Variants in GPR161 observed in about 807,000 individuals in gnomAD.
GPR161 encodes G-protein coupled receptor RE2.
In GPR161, 25 loss-of-function variants were observed where a neutral mutation model predicts 39.2. That is an observed-to-expected ratio of 0.64 (90% CI 0.47 to 0.89). The LOEUF is 0.89. Ranked by LOEUF, GPR161 falls within the 40% of genes least tolerant of loss-of-function variation. GPR161 has a pLI of 0.00. For synonymous variants in GPR161, 286 were observed against 276.6 expected (o/e 1.03, Z -0.34); for missense variants, 547 against 677.8 (o/e 0.81, Z 2.14).
At chr1:168,088,400 G>T (rs1388496553) in intron 4 of GPR161, 1 of 152,258 alleles carries the variant, frequency 6.6e-6, no homozygotes, top group Admixed American at 6.5e-5. Flanking sequence ...ATCCATAAAG[G>T]CCTTGAAGCT....
chr1:168,133,912 T>C (rs1015993307), intron 1 of GPR161: 19 of 967,830 alleles, frequency 2.0e-5, no homozygotes, highest in Non-Finnish European at 2.3e-5. Context: ...TTGAGCACAC[T>C]GAAAAAGACC....
chr1:168,110,542 GAAAAGAAAAGAAAA>G (rs1697049665), intron 1 of GPR161, among the ~76,000 whole-genome samples: 1 of 8,570 alleles, frequency 1.2e-4, no homozygotes, highest in Non-Finnish European at 2.1e-4. Flanking sequence ...GGAAAGGAAA[GAAAAGAAAAGAAAA>G]GAAAAGAAAA....
At chr1:168,129,262 C>T (rs1021839941) in intron 1 of GPR161, among the ~76,000 whole-genome samples, 1 of 152,182 alleles carries the variant, frequency 6.6e-6, no homozygotes, top group Non-Finnish European at 1.5e-5. Context: ...GAGAAGAGCC[C>T]TTGCAAAGCC....
Position 168,096,606 on chromosome 1 carries a change from T to C in GPR161, c.1001A>G (p.Glu334Gly). ...GTCCCCAAAGCACATGCCCAGTAGT[T>C]CTTTGCGAACTGTCTTGTTCCAGAG... ...YGLWNKTVRKELLGMCFGDRY... is the reference protein window; with the variant it reads ...YGLWNKTVRKGLLGMCFGDRY... The change falls in exon 3 of 6, where the codon GAA (glutamate) becomes GGA (glycine). Residue 334 changes from glutamate to glycine, a missense_variant. Coordinates refer to ENST00000682931, the MANE Select transcript of GPR161 (RefSeq NM_001375883.1). 6.2e-7 allele frequency: 1 copy of C among 1,614,192 alleles called. No homozygotes were observed. The highest frequency in any genetic ancestry group is 8.5e-7 in the Non-Finnish European group (1 of 1,180,022).
At chr1:168,126,570 G>C (rs1698608977) in intron 1 of GPR161, among the ~76,000 whole-genome samples, 1 of 152,072 alleles carries the variant, frequency 6.6e-6, no homozygotes, top group South Asian at 2.1e-4. Flanking sequence ...TCCCACCTCA[G>C]CCTCCCAAGT....
intron 1 of GPR161, among the ~76,000 whole-genome samples, chr1:168,109,217 T>C (rs895737535): frequency 3.9e-5 from 6 of 152,190 alleles, no homozygotes; most frequent in African/African-American, 1.4e-4. Context: ...TCTGGCAACA[T>C]GGTGGATGTC....
rs1693937647 is a variant in GPR161 at position 168,079,740 on chromosome 1, T to G, written c.*5791A>C. 1 of 152,172 alleles carries G rather than the reference T, an allele frequency of 6.6e-6. No homozygotes were observed. The highest frequency in any genetic ancestry group is 1.9e-4 in the East Asian group (1 of 5,192). The allele number at this position is 152,172 out of a possible 1,614,324, so 9.4% of individuals were successfully genotyped here. A position where few individuals can be genotyped will look rare whatever the true frequency, so the allele number is the denominator to read the frequency against. ...GGGTTGGTTTTTAACCACTTCTTCA[T>G]CCAGCGGTCTATTATGAGAACACAA... is the stretch of plus-strand genomic sequence containing the variant. On this transcript the variant is annotated 3_prime_UTR_variant, in exon 6 of 6. Transcript: ENST00000682931.
intron 2 of GPR161, among the ~76,000 whole-genome samples, chr1:168,103,826 C>G (rs1696335894): frequency 6.6e-6 from 1 of 152,234 alleles, no homozygotes; most frequent in Non-Finnish European, 1.5e-5. Flanking sequence ...AAACTCGCTG[C>G]CAAAGCCCAC....
chr1:168,136,488 C>A, intron 1 of GPR161: 1 of 1,262,478 alleles, frequency 7.9e-7, no homozygotes, highest in Non-Finnish European at 1.0e-6. Flanking sequence ...AAGCCCCAGG[C>A]CGCAGGGGAG....
chr1:168,097,263 A>G lies in GPR161; in HGVS notation c.375-31T>C. 3 of 1,583,368 alleles carry G rather than the reference A, an allele frequency of 1.9e-6. No individual in the cohort carries two copies. In the South Asian group the frequency reaches 3.5e-5, roughly 18 times the overall value. On this transcript the variant is annotated intron_variant, in intron 2 of 5. Coordinates refer to ENST00000682931, the MANE Select transcript of GPR161 (RefSeq NM_001375883.1). ...AAAGGGATGGAGGGAGGCAAGAGAG[A>G]GAAGTCAGCGGAGAGAGAAAACCGC...
rs145067127 is a variant in GPR161, at chr1:168,117,769, T to C, written c.-44-12875A>G. Among the ~76,000 whole-genome samples the C allele has an allele frequency of 4.0e-3, 611 of 152,310 alleles. 5 individuals carry two copies. The highest frequency in any genetic ancestry group is 0.014 in the African/African-American group (588 of 41,554). ...CAATCCATCCATTCACCACAGCAGATGAGATGCTACAAGGTTGAGCCTCAC... is the reference window on the plus strand; with the variant it reads ...CAATCCATCCATTCACCACAGCAGACGAGATGCTACAAGGTTGAGCCTCAC... On this transcript the variant is annotated intron_variant, in intron 1 of 5. Coordinates refer to ENST00000682931, the MANE Select transcript of GPR161 (RefSeq NM_001375883.1).
chr1:168,136,356 C>A, intron 1 of GPR161: 1 of 1,473,028 alleles, frequency 6.8e-7, no homozygotes. Flanking sequence ...GGGCGCGGCC[C>A]GCATCGGCAG....
chr1:168,080,317 A>T lies in GPR161; in HGVS notation c.*5214T>A, dbSNP rs1161981192. ...CTCATCTTCCTTGACCTATAAGACT[A>T]GCTCCTTGCTTTTCTCATCCCCTTG... is the stretch of plus-strand genomic sequence containing the variant. On this transcript the variant is annotated 3_prime_UTR_variant, in exon 6 of 6. Coordinates refer to ENST00000682931, the MANE Select transcript of GPR161 (RefSeq NM_001375883.1). The T allele has an allele frequency of 6.6e-6, 1 of 152,226 alleles. No homozygotes were observed. Among genetic ancestry groups the T allele is most frequent in the Non-Finnish European group, 1.5e-5 (1 of 68,090 alleles). 9.4% of individuals were successfully genotyped at this position (152,226 alleles called of 1,614,324 possible). A position where few individuals can be genotyped will look rare whatever the true frequency, so the allele number is the denominator to read the frequency against.
At position 168,085,503 on chromosome 1, in the gene GPR161, G is replaced by A. The variant is rs1187013316; in HGVS notation, c.*28C>T. 6.3e-7 allele frequency: 1 copy of A among 1,592,436 alleles called. No individual in the cohort carries two copies. The highest frequency in any genetic ancestry group is 8.6e-7 in the Non-Finnish European group (1 of 1,165,152). On this transcript the variant is annotated 3_prime_UTR_variant, in exon 6 of 6. Transcript: ENST00000682931. ...ACTCCTCCCCGGGCCAGCCTCTCAG[G>A]CTGCAGCCCCACGGCACCCTGAGGC...
intron 1 of GPR161, among the ~76,000 whole-genome samples, chr1:168,132,080 TA>T (rs1699032540): frequency 1.3e-5 from 2 of 151,516 alleles, no homozygotes; most frequent in African/African-American, 4.9e-5. Context: ...GCCTCGCCAA[TA>T]TGGTGAAACC....
intron 3 of GPR161, among the ~76,000 whole-genome samples, chr1:168,096,243 T>A (rs577457069): frequency 6.6e-6 from 1 of 150,774 alleles, no homozygotes; most frequent in African/African-American, 2.4e-5. Flanking sequence ...GACCGTGGTG[T>A]CCCCTGTCCC....
intron 3 of GPR161, among the ~76,000 whole-genome samples, chr1:168,094,064 C>G (rs1402625188): frequency 6.6e-6 from 1 of 152,182 alleles, no homozygotes; most frequent in Non-Finnish European, 1.5e-5. Flanking sequence ...CACCAGCTGC[C>G]TGGGATGTGC....
chr1:168,084,813 C>G lies in GPR161; in HGVS notation c.*718G>C. On this transcript the variant is annotated 3_prime_UTR_variant, in exon 6 of 6. Coordinates refer to ENST00000682931, the MANE Select transcript of GPR161 (RefSeq NM_001375883.1). ...ATGAAACACCTAGTACCTGCCCTTC[C>G]TCTTGTCTTTTATAGTGGTTTCTCC... is the stretch of plus-strand genomic sequence containing the variant. The G allele has an allele frequency of 2.2e-6, 1 of 456,212 alleles. No individual in the cohort carries two copies. Among genetic ancestry groups the G allele is most frequent in the South Asian group, 1.5e-5 (1 of 64,556 alleles). 28.3% of individuals were successfully genotyped at this position (456,212 alleles called of 1,614,324 possible).
At position 168,131,495 on chromosome 1, in the gene GPR161, GA is replaced by G. The variant is rs371773156; in HGVS notation, c.-45+5243del. ...CATCCTTAAGACTTGGTTAAAAAAA[GA>G]AAAAAAAAAGTTACTATAAAAGTCA... is the stretch of plus-strand genomic sequence containing the variant. On this transcript the variant is annotated intron_variant, in intron 1 of 5. Transcript: ENST00000682931. 8.7e-3 allele frequency among the ~76,000 whole-genome samples: 1,252 copies of G among 144,584 alleles called. 16 individuals are homozygous for G. The highest frequency in any genetic ancestry group is 0.029 in the African/African-American group (1,144 of 39,296). The allele number at this position is 144,584 out of a possible 152,430, so 94.9% of individuals were successfully genotyped here.
Sources: allele counts gnomAD v4.1 joint callset (sites outside exome capture counted in the v4.1 genomes callset), GRCh38; gene constraint gnomAD v4.1.1; transcripts MANE v1.5; gene names NCBI Gene and HGNC (gene_info 2026-07-23, HGNC 2026-07-21).